The following RBFOX3 variants were observed in gnomAD, a reference collection of about 807,000 sequenced individuals.
The protein encoded by RBFOX3 is RNA binding fox-1 homolog 3.
RBFOX3 carries 17 observed loss-of-function variants against 48.7 expected under a neutral mutation model. The ratio of observed to expected loss-of-function variants is 0.35; its 90% CI spans 0.24 to 0.52. The LOEUF is 0.52. Ranked by LOEUF, RBFOX3 falls within the 20% of genes least tolerant of loss-of-function variation. The pLI is 0.94. For synonymous variants in RBFOX3, 212 were observed against 209.5 expected, an observed-to-expected ratio of 1.01 and a Z score of -0.10; for missense variants, 382 against 497.5, an observed-to-expected ratio of 0.77 and a Z score of 2.21.
intron 1 of RBFOX3, among the ~76,000 whole-genome samples, chr17:79,532,659 C>T (rs2087985255): frequency 6.6e-6 from 1 of 152,240 alleles, no homozygotes; most frequent in African/African-American, 2.4e-5. Context: ...CCAGGGGCCC[C>T]TGCCTCTGTC....
the RBFOX3 span, among the ~76,000 whole-genome samples, chr17:79,616,906 C>A: frequency 1.3e-5 from 2 of 152,136 alleles, no homozygotes; most frequent in Non-Finnish European, 2.9e-5. Context: ...AGGTCAGAGA[C>A]GCCAACCAGC....
At chr17:79,559,608 A>C (rs2092044538) in intron 1 of RBFOX3, among the ~76,000 whole-genome samples, 1 of 116,860 alleles carries the variant, frequency 8.6e-6, no homozygotes, top group Admixed American at 8.5e-5. Context: ...GTGATGAGTG[A>C]ATAGGTAGAT....
At chr17:79,318,383 A>G (rs1204246956) in intron 2 of RBFOX3, among the ~76,000 whole-genome samples, 1 of 152,118 alleles carries the variant, frequency 6.6e-6, no homozygotes, top group Admixed American at 6.5e-5. Context: ...GGGAAATACA[A>G]ACAGCAGCAA....
At chr17:79,286,757 G>C (rs1024057818) in intron 3 of RBFOX3, among the ~76,000 whole-genome samples, 1 of 152,294 alleles carries the variant, frequency 6.6e-6, no homozygotes, top group East Asian at 1.9e-4. Context: ...CAGGCTGTGC[G>C]TTAACATAGA....
In RBFOX3 at chr17:79,243,697, C is replaced by T. The variant is rs549974616; in HGVS notation, c.-73-7892G>A. Among the ~76,000 whole-genome samples the T allele has an allele frequency of 3.9e-5, 6 of 152,254 alleles. No individual in the cohort carries two copies. The East Asian group carries it at 1.2e-3, about 30-fold the overall frequency. On this transcript the variant is annotated intron_variant, in intron 3 of 14. Coordinates refer to ENST00000693108, the MANE Select transcript of RBFOX3 (RefSeq NM_001350451.2). This position sits in a 1 kb window ranked among gnomAD's most constrained non-coding sequence, Gnocchi z 7.9. ...CCACCCCTGAGCACCCTTGACAACA[C>T]CCAAGCTGTGCCACAGACACCATAG...
intron 3 of RBFOX3, among the ~76,000 whole-genome samples, chr17:79,289,029 G>T (rs1345860275): frequency 1.3e-5 from 2 of 152,078 alleles, no homozygotes; most frequent in African/African-American, 4.8e-5. Context: ...GGACAGCTGG[G>T]GGGAGTCACT....
intron 4 of RBFOX3, among the ~76,000 whole-genome samples, chr17:79,118,433 C>A (rs542956289): frequency 6.6e-6 from 1 of 151,988 alleles, no homozygotes; most frequent in South Asian, 2.1e-4. Context: ...AGGGGTGGAT[C>A]CATGAGGGAG....
chr17:79,278,401 C>G (rs2069436005), intron 3 of RBFOX3, among the ~76,000 whole-genome samples: 1 of 152,212 alleles, frequency 6.6e-6, no homozygotes, highest in South Asian at 2.1e-4. Context: ...TGGGGTGGTT[C>G]AGGCGCCTGC....
intron 1 of RBFOX3, among the ~76,000 whole-genome samples, chr17:79,570,681 A>G (rs1263400229): frequency 6.6e-6 from 1 of 152,024 alleles, no homozygotes; most frequent in Non-Finnish European, 1.5e-5. Context: ...TTCCAAAGTG[A>G]CACTTACAGA....
At chr17:79,544,903 A>C (rs928244161) in intron 1 of RBFOX3, among the ~76,000 whole-genome samples, 8 of 151,336 alleles carry the variant, frequency 5.3e-5, no homozygotes, top group African/African-American at 1.7e-4. Flanking sequence ...CACCCTCCCC[A>C]AAGCAGCAAG....
At chr17:79,617,425 C>T in the RBFOX3 span, among the ~76,000 whole-genome samples, 1 of 152,116 alleles carries the variant, frequency 6.6e-6, no homozygotes, top group Non-Finnish European at 1.5e-5. Flanking sequence ...CACCCACGGA[C>T]ACCCCAGGGA....
intron 1 of RBFOX3, among the ~76,000 whole-genome samples, chr17:79,575,514 C>G (rs1450877662): frequency 3.9e-5 from 6 of 152,124 alleles, no homozygotes; most frequent in African/African-American, 1.4e-4. Flanking sequence ...CACGGGAAGC[C>G]CTTTGAGGTG....
intron 4 of RBFOX3, among the ~76,000 whole-genome samples, chr17:79,124,746 C>T (rs1391014729): frequency 1.3e-5 from 2 of 152,236 alleles, no homozygotes; most frequent in African/African-American, 2.4e-5. Context: ...CCCCTTACCC[C>T]GCCTCTGCTC....
chr17:79,648,835 A>C, the RBFOX3 span, among the ~76,000 whole-genome samples: 1 of 152,064 alleles, frequency 6.6e-6, no homozygotes, highest in Non-Finnish European at 1.5e-5. Context: ...GCCGTTTCAC[A>C]CCTGGCCCTT....
intron 4 of RBFOX3, among the ~76,000 whole-genome samples, chr17:79,143,097 G>A (rs995556586): frequency 6.6e-6 from 1 of 152,180 alleles, no homozygotes; most frequent in Non-Finnish European, 1.5e-5. Context: ...CAAGGGCTGG[G>A]CTAACAGTAA....
intron 9 of RBFOX3, chr17:79,100,199 G>A (rs3954036): frequency 0.22 from 33,829 of 152,206 alleles, 4,781 homozygotes; most frequent in Non-Finnish European, 0.32. Context: ...CCCAGACAGC[G>A]GTGGGTGTGG....
chr17:79,521,206 A>C (rs1407110881), intron 1 of RBFOX3, among the ~76,000 whole-genome samples: 1 of 150,886 alleles, frequency 6.6e-6, no homozygotes. Context: ...ACAGATACAC[A>C]CTCACGCTCA....
chr17:79,374,369 C>T (rs911077143), intron 2 of RBFOX3, among the ~76,000 whole-genome samples: 2 of 152,204 alleles, frequency 1.3e-5, no homozygotes, highest in Non-Finnish European at 2.9e-5. Context: ...GCAGGCTGCT[C>T]TGTGTCCAGG....
At chr17:79,494,333 C>A (rs1249645061) in intron 1 of RBFOX3, among the ~76,000 whole-genome samples, 7 of 152,180 alleles carry the variant, frequency 4.6e-5, no homozygotes, top group African/African-American at 1.7e-4. Flanking sequence ...TGAAGGCTGA[C>A]TGTCCCCCTC....
Sources: gnomAD v4.1 joint callset for allele counts (sites outside exome capture counted in the v4.1 genomes callset) on GRCh38, gnomAD v4.1.1 for gene constraint, Gnocchi (gnomAD v3.1) non-coding constraint, MANE v1.5 for transcripts, NCBI Gene and HGNC (gene_info 2026-07-23, HGNC 2026-07-21) for gene names.